The following DAPP1 variants were observed in gnomAD, a reference collection of about 807,000 sequenced individuals.
The protein encoded by DAPP1 is dual adaptor of phosphotyrosine and 3-phosphoinositides 1, also known as dual adapter for phosphotyrosine and 3-phosphotyrosine and 3-phosphoinositide.
DAPP1 carries 20 observed loss-of-function variants against 41.5 expected under a neutral mutation model. The observed-to-expected ratio is 0.48, with a 90% CI of 0.34 to 0.70. The LOEUF is 0.70. DAPP1 is among the 30% of genes least tolerant of loss of function. The probability of loss-of-function intolerance (pLI) is 0.01; values close to 1 mark genes in which losing one functional copy is unlikely to be tolerated. For missense variants in DAPP1, 233 were observed against 333.4 expected (o/e 0.70, Z 2.35); for synonymous variants, 113 against 116.2 (o/e 0.97, Z 0.18).
chr4:99,828,224 T>C (rs773823802), intron 1 of DAPP1, among the ~76,000 whole-genome samples: 1 of 152,260 alleles, frequency 6.6e-6, no homozygotes, highest in Non-Finnish European at 1.5e-5. Context: ...AGCTTTGCAC[T>C]GTGGTTTAAA....
intron 1 of DAPP1, 74 bp from the exon 2 acceptor site, chr4:99,835,549 G>A (rs758615615): frequency 6.4e-7 from 1 of 1,565,168 alleles, no homozygotes; most frequent in East Asian, 2.3e-5. Context: ...GGTAATCTTT[G>A]CAAGGAAAAG....
chr4:99,863,208 G>T, intron 6 of DAPP1, 136 bp downstream of exon 6: 1 of 608,612 alleles, frequency 1.6e-6, no homozygotes, highest in South Asian at 2.5e-5. Context: ...ATGAATTCTT[G>T]ATTCCTGAAA....
intron 4 of DAPP1, among the ~76,000 whole-genome samples, chr4:99,856,576 G>A (rs17029606): frequency 0.066 from 10,034 of 152,222 alleles, 421 homozygotes; most frequent in East Asian, 0.24. Context: ...TCCCAGCTGA[G>A]CATTTAGAAA....
intron 1 of DAPP1, among the ~76,000 whole-genome samples, chr4:99,834,398 T>C (rs1028651773): frequency 6.6e-6 from 1 of 152,158 alleles, no homozygotes; most frequent in Non-Finnish European, 1.5e-5. Flanking sequence ...TGAATTTTTT[T>C]TTTTTTACCA....
chr4:99,831,082 G>A (rs993979388), intron 1 of DAPP1, among the ~76,000 whole-genome samples: 6 of 152,252 alleles, frequency 3.9e-5, no homozygotes, highest in African/African-American at 1.2e-4. Context: ...TGAATTTGGT[G>A]TATATTTTTA....
intron 5 of DAPP1, among the ~76,000 whole-genome samples, chr4:99,861,979 CTTT>C (rs1640929138): frequency 6.6e-6 from 1 of 152,174 alleles, no homozygotes; most frequent in Admixed American, 6.5e-5. Context: ...TAAAATGTTT[CTTT>C]AAGGATAGGC....
At chr4:99,834,619 A>C (rs1366156102) in intron 1 of DAPP1, among the ~76,000 whole-genome samples, 1 of 152,216 alleles carries the variant, frequency 6.6e-6, no homozygotes, top group Non-Finnish European at 1.5e-5. Flanking sequence ...CACACTTGAA[A>C]AAGAGTGTGA....
intron 4 of DAPP1, among the ~76,000 whole-genome samples, chr4:99,856,108 A>T (rs1033547110): frequency 6.6e-6 from 1 of 151,422 alleles, no homozygotes; most frequent in Non-Finnish European, 1.5e-5. Flanking sequence ...TTTTTTTTTT[A>T]AAGTGCTTCC....
intron 4 of DAPP1, among the ~76,000 whole-genome samples, chr4:99,858,917 T>A (rs2110163622): frequency 6.6e-6 from 1 of 151,756 alleles, no homozygotes; most frequent in East Asian, 1.9e-4. Flanking sequence ...TTGGAGACAG[T>A]GTGTCACTCC....
chr4:99,860,090 G>A (rs1015612614), intron 4 of DAPP1, among the ~76,000 whole-genome samples: 1 of 152,216 alleles, frequency 6.6e-6, no homozygotes, highest in African/African-American at 2.4e-5. Context: ...TACCCCAATG[G>A]GGGCTCTTAT....
At chr4:99,820,147 GGAGGGCAA>G (rs1277884602) in intron 1 of DAPP1, among the ~76,000 whole-genome samples, 4 of 152,140 alleles carry the variant, frequency 2.6e-5, no homozygotes, top group Non-Finnish European at 4.4e-5. Flanking sequence ...AGAGGTGTGG[GGAGGGCAA>G]GAAGTGAGGG....
chr4:99,824,548 A>G (rs1338858277), intron 1 of DAPP1, among the ~76,000 whole-genome samples: 4 of 152,156 alleles, frequency 2.6e-5, no homozygotes, highest in Non-Finnish European at 5.9e-5. Flanking sequence ...ACAGACCCCA[A>G]TGTACTTATA....
intron 4 of DAPP1, among the ~76,000 whole-genome samples, chr4:99,858,820 CA>C (rs1468970921): frequency 6.6e-6 from 1 of 151,968 alleles, no homozygotes; most frequent in Non-Finnish European, 1.5e-5. Context: ...TTTGATCCTT[CA>C]AAATTTCCCT....
intron 3 of DAPP1, chr4:99,844,195 A>G (rs1478942712): frequency 6.6e-6 from 1 of 152,226 alleles, no homozygotes; most frequent in East Asian, 1.9e-4. Flanking sequence ...GAAACAGGGA[A>G]GCTAGAGCGC....
intron 1 of DAPP1, 142 bp from the exon 2 acceptor site, chr4:99,835,481 C>G: frequency 8.4e-7 from 1 of 1,197,404 alleles, no homozygotes; most frequent in Non-Finnish European, 1.2e-6. Flanking sequence ...ATTTCCTTGT[C>G]CTAATGTTGG....
In DAPP1 at chr4:99,824,960, C is replaced by T. The variant is rs79571234; in HGVS notation, c.101+7946C>T. On this transcript the variant is annotated intron_variant, in intron 1 of 8. Transcript: ENST00000512369. ...AGTGAGATGCAGTTTTCACCCCTCC[C>T]GCAAGTAGTGGCTCTGTCCCTCAGG... Among the ~76,000 whole-genome samples, 668 of 152,280 alleles carry T rather than the reference C, an allele frequency of 4.4e-3. 6 individuals are homozygous for T. Among genetic ancestry groups the T allele is most frequent in the African/African-American group, 0.015 (625 of 41,548 alleles).
chr4:99,840,368 T>G lies in DAPP1; in HGVS notation c.304T>G (p.Leu102Val), dbSNP rs559809943. 20 of 1,611,518 alleles carry G rather than the reference T, an allele frequency of 1.2e-5. No homozygotes were observed. In the Admixed American group the frequency reaches 1.8e-4, roughly 15 times the overall value. The stretch of plus-strand genomic sequence containing the variant: ...ATTTGGCTTTAATGAATTCTCATCT[T>G]TGAAGGATTTTGTCAAGCATTTTGC... ...FKFGFNEFSSLKDFVKHFANQ... is the reference protein window; with the variant it reads ...FKFGFNEFSSVKDFVKHFANQ... The change falls in exon 3 of 9, where the codon TTG becomes GTG. Residue 102 changes from leucine (L) to valine (V), a missense_variant. Leu to Val is a conservative substitution (Grantham distance 32, BLOSUM62 1). Coordinates refer to ENST00000512369, the MANE Select transcript of DAPP1 (RefSeq NM_014395.3).
intron 1 of DAPP1, 96 bp from the exon 2 acceptor site, chr4:99,835,527 A>G (rs1478596715): frequency 6.6e-7 from 1 of 1,523,734 alleles, no homozygotes; most frequent in South Asian, 1.2e-5. Flanking sequence ...CTTATCTTGA[A>G]GAATGTTGCT....
chr4:99,855,399 G>A (rs890147651), intron 4 of DAPP1, among the ~76,000 whole-genome samples: 1 of 152,196 alleles, frequency 6.6e-6, no homozygotes, highest in African/African-American at 2.4e-5. Context: ...TGAGATTGGT[G>A]TGAGCAGAAG....
Sources: allele counts gnomAD v4.1 joint callset (sites outside exome capture counted in the v4.1 genomes callset), GRCh38; gene constraint gnomAD v4.1.1; transcripts MANE v1.5; gene names NCBI Gene and HGNC (gene_info 2026-07-23, HGNC 2026-07-21).